Variants in APBA1 observed in about 807,000 individuals in gnomAD.
APBA1 encodes the protein amyloid beta precursor protein binding family A member 1.
A neutral mutation model predicts 86.6 loss-of-function variants in APBA1; 55 were observed. That is an observed-to-expected ratio of 0.64 (90% CI 0.51 to 0.80). APBA1 has a LOEUF of 0.80. Ranked by LOEUF, APBA1 falls within the 30% of genes least tolerant of loss-of-function variation. APBA1 has a pLI of 0.00. For synonymous variants in APBA1, 511 were observed against 493.9 expected (o/e 1.03, Z -0.46); for missense variants, 1,090 against 1,183.0 (o/e 0.92, Z 1.15).
chr9:69,592,830 T>C (rs983809342), intron 1 of APBA1, among the ~76,000 whole-genome samples: 1 of 152,170 alleles, frequency 6.6e-6, no homozygotes, highest in Non-Finnish European at 1.5e-5. Flanking sequence ...AAAAAAGAAG[T>C]AGTTTCTTAT....
intron 10 of APBA1, among the ~76,000 whole-genome samples, chr9:69,449,138 GC>G (rs1325365926): frequency 6.6e-6 from 1 of 152,154 alleles, no homozygotes; most frequent in Non-Finnish European, 1.5e-5. Context: ...CATAGTCAGG[GC>G]CACTGGGAAG....
chr9:69,537,042 G>GATAT (rs3068202), intron 1 of APBA1, among the ~76,000 whole-genome samples: 2,027 of 147,538 alleles, frequency 0.014, 41 homozygotes, highest in African/African-American at 0.046. Context: ...TACGCACTAA[G>GATAT]ATATATATAT....
In APBA1 at chr9:69,449,045, AAG is replaced by A. The variant is rs1228654125; in HGVS notation, c.2181+537_2181+538del. On this transcript the variant is annotated intron_variant, in intron 10 of 12. Transcript: ENST00000265381. The stretch of plus-strand genomic sequence containing the variant: ...GTATGAAAAAGCTTCCATGGACTGG[AAG>A]AGAGTTTCCTCCTCCTTCTGGCAAT... Among the ~76,000 whole-genome samples, 12 of 152,348 alleles carry A rather than the reference AAG, an allele frequency of 7.9e-5. No individual in the cohort carries two copies. In the East Asian group the frequency reaches 1.3e-3, roughly 17 times the overall value.
chr9:69,625,157 G>GC (rs1476349851), intron 1 of APBA1, among the ~76,000 whole-genome samples: 1 of 152,144 alleles, frequency 6.6e-6, no homozygotes, highest in African/African-American at 2.4e-5. Context: ...GGCCACAAAA[G>GC]CCTGTACCTG....
At chr9:69,656,434 T>C (rs1823612917) in intron 1 of APBA1, among the ~76,000 whole-genome samples, 1 of 152,176 alleles carries the variant, frequency 6.6e-6, no homozygotes, top group African/African-American at 2.4e-5. Flanking sequence ...TGAATTAATC[T>C]CTACAATATT....
chr9:69,607,637 T>G (rs1324025844), intron 1 of APBA1, among the ~76,000 whole-genome samples: 5 of 152,236 alleles, frequency 3.3e-5, no homozygotes, highest in African/African-American at 4.8e-5. Flanking sequence ...ACCACATATT[T>G]TCTTACATTT....
In APBA1 at chr9:69,662,055, C is replaced by G. The variant is rs893511538; in HGVS notation, c.-70+10098G>C. On this transcript the variant is annotated intron_variant, in intron 1 of 12. Transcript: ENST00000265381. ...ACACACACACACACACACACACACA[C>G]AGACATCCCAAGTAGGATGAAGGCA... Among the ~76,000 whole-genome samples the G allele has an allele frequency of 4.0e-5, 6 of 148,342 alleles. No individual in the cohort carries two copies. The East Asian group carries it at 7.9e-4, about 19-fold the overall frequency.
intron 1 of APBA1, among the ~76,000 whole-genome samples, chr9:69,605,432 T>C (rs1465442863): frequency 2.0e-5 from 3 of 152,198 alleles, no homozygotes; most frequent in African/African-American, 7.2e-5. Context: ...CCATGCAACA[T>C]ATTGTTGAAA....
In APBA1 at chr9:69,458,954, G is replaced by C. The variant is rs1835146379; in HGVS notation, c.1483-766C>G. Among the ~76,000 whole-genome samples the C allele has an allele frequency of 2.6e-5, 4 of 152,226 alleles. No individual in the cohort carries two copies. The South Asian group carries it at 8.3e-4, about 32-fold the overall frequency. On this transcript the variant is annotated intron_variant, in intron 5 of 12. Transcript: ENST00000265381. ...CCCGAGTAGCTGGGATTATAGGCATGCGCCACCACGCCTGGCTAGTTTTTG... is the reference window on the plus strand; with the variant it reads ...CCCGAGTAGCTGGGATTATAGGCATCCGCCACCACGCCTGGCTAGTTTTTG...
chr9:69,498,498 A>G (rs563248527), intron 2 of APBA1, among the ~76,000 whole-genome samples: 73 of 152,250 alleles, frequency 4.8e-4, no homozygotes, highest in African/African-American at 1.7e-3. Context: ...TTAAGACACT[A>G]AATAAGGATT....
In APBA1 at chr9:69,468,112, G is replaced by A. The variant is rs963384300; in HGVS notation, c.1337-144C>T. The A allele has an allele frequency of 2.5e-5, 24 of 943,870 alleles. No individual in the cohort carries two copies. In the South Asian group the frequency reaches 3.7e-4, roughly 15 times the overall value. The allele number at this position is 943,870 out of a possible 1,614,324, so 58.5% of individuals were successfully genotyped here. A position where few individuals can be genotyped will look rare whatever the true frequency, so the allele number is the denominator to read the frequency against. ...CTGCTGGTCTGAGGCATCTCTCTGT[G>A]TCTATCTGCACCCACACCTCATTTT... is the stretch of plus-strand genomic sequence containing the variant. On this transcript the variant is annotated intron_variant, in intron 4 of 12. Transcript: ENST00000265381.
intron 1 of APBA1, among the ~76,000 whole-genome samples, chr9:69,610,665 A>G (rs757821444): frequency 3.3e-5 from 5 of 152,162 alleles, no homozygotes; most frequent in East Asian, 1.9e-4. Context: ...TACATGGCCA[A>G]TGAAAAACTA....
intron 1 of APBA1, among the ~76,000 whole-genome samples, chr9:69,568,196 C>T (rs1837061102): frequency 6.6e-6 from 1 of 152,078 alleles, no homozygotes; most frequent in East Asian, 1.9e-4. Context: ...TCCCCCATGC[C>T]CTATGTAGAA....
At chr9:69,581,546 T>G (rs1356696830) in intron 1 of APBA1, among the ~76,000 whole-genome samples, 1 of 152,154 alleles carries the variant, frequency 6.6e-6, no homozygotes, top group Non-Finnish European at 1.5e-5. Flanking sequence ...TATTTTGTCT[T>G]TTGAACTTTG....
intron 1 of APBA1, among the ~76,000 whole-genome samples, chr9:69,559,310 A>G (rs375845139): frequency 3.9e-5 from 6 of 152,364 alleles, no homozygotes; most frequent in African/African-American, 1.4e-4. Context: ...GTTTGGCTCA[A>G]TGAATCTTGC....
rs1286854669 is a variant in APBA1 at position 69,457,139 on chromosome 9, C to G, written c.1516G>C (p.Ala506Pro). 6.2e-7 allele frequency: 1 copy of G among 1,613,684 alleles called. No homozygotes were observed. Among genetic ancestry groups the G allele is most frequent in the Admixed American group, 1.7e-5 (1 of 60,008 alleles). ...AQKLAKSRKKAPEGESQPMTE... is the reference protein window; with the variant it reads ...AQKLAKSRKKPPEGESQPMTE... Reference sequence around the variant, plus strand: ...ATTGGCTGAGATTCGCCTTCAGGAGCCTGAGAAGAAAAAATGCACCAAGAG... The same window carrying G: ...ATTGGCTGAGATTCGCCTTCAGGAGGCTGAGAAGAAAAAATGCACCAAGAG... Residue 506 changes from alanine (A) to proline (P), a missense_variant and splice_region_variant, in exon 7 of 13, where the codon GCT becomes CCT. Ala to Pro is a conservative substitution (Grantham distance 27, BLOSUM62 -1). Transcript: ENST00000265381.
At position 69,564,946 on chromosome 9, in the gene APBA1, G is replaced by A. The variant is rs192419457; in HGVS notation, c.-69-47667C>T. Among the ~76,000 whole-genome samples the A allele has an allele frequency of 2.1e-4, 32 of 152,300 alleles. No individual in the cohort carries two copies. In the East Asian group the frequency reaches 6.0e-3, roughly 28 times the overall value. ...TGGGAAAAGCTCATTTTGAATGATA[G>A]TACAGTAATCCTTTCGAGGTGTGTG... On this transcript the variant is annotated intron_variant, in intron 1 of 12. Transcript: ENST00000265381.
intron 1 of APBA1, among the ~76,000 whole-genome samples, chr9:69,649,633 C>A (rs1823458502): frequency 6.6e-6 from 1 of 152,304 alleles, no homozygotes; most frequent in Admixed American, 6.5e-5. Flanking sequence ...CTCCCATCCA[C>A]CCCCGGGGCC....
intron 1 of APBA1, among the ~76,000 whole-genome samples, chr9:69,670,129 C>T (rs1052443384): frequency 6.6e-6 from 1 of 152,120 alleles, no homozygotes; most frequent in African/African-American, 2.4e-5. Context: ...ACCAACCTCA[C>T]ATTAAAATCT....
Sources: allele counts gnomAD v4.1 joint callset (sites outside exome capture counted in the v4.1 genomes callset), GRCh38; gene constraint gnomAD v4.1.1; transcripts MANE v1.5; gene names NCBI Gene and HGNC (gene_info 2026-07-23, HGNC 2026-07-21).